The following GRM7 variants were observed in gnomAD, a reference collection of about 807,000 sequenced individuals.
GRM7 encodes metabotropic glutamate receptor 7.
In GRM7, 35 loss-of-function variants were observed where a neutral mutation model predicts 84.5. The observed-to-expected ratio is 0.41, with a 90% CI of 0.32 to 0.55. The LOEUF is 0.55. GRM7 is among the 20% of genes least tolerant of loss of function. GRM7 has a pLI of 0.19. For missense variants in GRM7, 1,003 were observed against 1,194.6 expected (o/e 0.84, Z 2.36); for synonymous variants, 487 against 455.1 (o/e 1.07, Z -0.89).
intron 4 of GRM7, among the ~76,000 whole-genome samples, chr3:7,397,153 CTAAA>C: frequency 6.6e-6 from 1 of 152,142 alleles, no homozygotes; most frequent in East Asian, 1.9e-4. Context: ...GAATGAGTAA[CTAAA>C]TAAACAAAAC....
intron 1 of GRM7, among the ~76,000 whole-genome samples, chr3:6,949,194 C>T (rs9714174): frequency 0.073 from 11,072 of 152,130 alleles, 556 homozygotes; most frequent in Non-Finnish European, 0.11. Context: ...TGGCTGGTAC[C>T]GGTTGTTCCT....
chr3:7,609,207 T>C (rs945473226), intron 8 of GRM7, among the ~76,000 whole-genome samples: 1 of 152,300 alleles, frequency 6.6e-6, no homozygotes, highest in Non-Finnish European at 1.5e-5. Flanking sequence ...GGACCAAAGA[T>C]AGAGCCTCTA....
chr3:7,193,672 C>T (rs1695788984), intron 2 of GRM7, among the ~76,000 whole-genome samples: 1 of 151,856 alleles, frequency 6.6e-6, no homozygotes, highest in Non-Finnish European at 1.5e-5. Flanking sequence ...TTTCCTCTCT[C>T]TCTCTCTCTC....
intron 7 of GRM7, among the ~76,000 whole-genome samples, chr3:7,543,089 A>T (rs1692970227): frequency 6.6e-6 from 1 of 152,192 alleles, no homozygotes; most frequent in Non-Finnish European, 1.5e-5. Flanking sequence ...TGAATGAATG[A>T]ATAAGCCAGA....
intron 2 of GRM7, among the ~76,000 whole-genome samples, chr3:7,213,923 A>G (rs1486616892): frequency 7.2e-5 from 11 of 152,180 alleles, no homozygotes; most frequent in Non-Finnish European, 1.5e-4. Flanking sequence ...ATAGTTTCAT[A>G]AAAAGTATGT....
intron 7 of GRM7, among the ~76,000 whole-genome samples, chr3:7,470,883 A>G (rs1450089): frequency 1.3e-5 from 2 of 151,950 alleles, no homozygotes; most frequent in East Asian, 3.9e-4. Flanking sequence ...TTCTAGAATG[A>G]CCTGGTTATG....
chr3:7,241,670 G>A (rs113709314), intron 2 of GRM7, among the ~76,000 whole-genome samples: 211 of 152,156 alleles, frequency 1.4e-3, no homozygotes, highest in Admixed American at 2.9e-3. Flanking sequence ...GAGACTGACC[G>A]TTGATTTCCA....
At chr3:7,162,542 T>C (rs1224823159) in intron 2 of GRM7, among the ~76,000 whole-genome samples, 7 of 151,786 alleles carry the variant, frequency 4.6e-5, no homozygotes, top group Admixed American at 4.6e-4. Context: ...GCCAAAAACC[T>C]CAATAGAGTA....
chr3:7,601,804 C>G (rs1292188974), intron 8 of GRM7, among the ~76,000 whole-genome samples: 2 of 152,004 alleles, frequency 1.3e-5, no homozygotes, highest in Non-Finnish European at 2.9e-5. Context: ...CCCTAACTCT[C>G]AAGCATGGGG....
At chr3:7,610,001 T>A (rs1696773638) in intron 8 of GRM7, among the ~76,000 whole-genome samples, 1 of 152,204 alleles carries the variant, frequency 6.6e-6, no homozygotes, top group South Asian at 2.1e-4. Flanking sequence ...TGGTTTTACT[T>A]AAACAGACTT....
intron 2 of GRM7, among the ~76,000 whole-genome samples, chr3:7,249,943 G>T (rs1697918008): frequency 6.6e-6 from 1 of 152,140 alleles, no homozygotes; most frequent in Admixed American, 6.5e-5. Flanking sequence ...AGGACGAAAT[G>T]GGAAGGGAAG....
chr3:6,946,274 A>C (rs1372570725), intron 1 of GRM7, among the ~76,000 whole-genome samples: 1 of 152,202 alleles, frequency 6.6e-6, no homozygotes, highest in Non-Finnish European at 1.5e-5. Context: ...AGCTTTCTAC[A>C]TATGGCTAGC....
At chr3:7,293,166 T>G (rs1248835229) in intron 2 of GRM7, among the ~76,000 whole-genome samples, 1 of 152,224 alleles carries the variant, frequency 6.6e-6, no homozygotes, top group Non-Finnish European at 1.5e-5. Context: ...GGATTGAGTT[T>G]CAGGCTTTAA....
rs1700633845 is a variant in GRM7, at chr3:7,522,493, C to A, written c.1516-55929C>A. ...AGAGCTATGACACCTGCCCTCCTCC[C>A]CACCTCCAGAGGTCAGTTTATGCCT... On this transcript the variant is annotated intron_variant, in intron 7 of 9. Coordinates refer to ENST00000357716, the MANE Select transcript of GRM7 (RefSeq NM_000844.4). Among the ~76,000 whole-genome samples, 4 of 152,138 alleles carry A rather than the reference C, an allele frequency of 2.6e-5. No homozygotes were observed. The South Asian group carries it at 6.2e-4, about 24-fold the overall frequency.
chr3:7,010,718 C>G (rs938828632), intron 1 of GRM7, among the ~76,000 whole-genome samples: 2 of 152,020 alleles, frequency 1.3e-5, no homozygotes, highest in Non-Finnish European at 2.9e-5. Context: ...TCAGAGGAGG[C>G]CGATGAGGAT....
At chr3:7,409,576 TTG>T (rs1171642144) in intron 4 of GRM7, among the ~76,000 whole-genome samples, 1 of 10,210 alleles carries the variant, frequency 9.8e-5, no homozygotes, top group East Asian at 1.1e-3. Context: ...TGTTTTGTGT[TTG>T]TTTTGTTTTG....
chr3:7,032,332 G>C (rs1274832610), intron 1 of GRM7, among the ~76,000 whole-genome samples: 1 of 152,134 alleles, frequency 6.6e-6, no homozygotes, highest in African/African-American at 2.4e-5. Flanking sequence ...GAGTTATTTG[G>C]TTAGATGTGA....
chr3:6,883,796 G>C (rs1032551776), intron 1 of GRM7, among the ~76,000 whole-genome samples: 3 of 152,288 alleles, frequency 2.0e-5, no homozygotes, highest in Admixed American at 1.3e-4. Flanking sequence ...AAACCGTGAG[G>C]ATCCTGCTTA....
chr3:7,565,915 T>C (rs1694234141), intron 7 of GRM7, among the ~76,000 whole-genome samples: 1 of 152,174 alleles, frequency 6.6e-6, no homozygotes, highest in African/African-American at 2.4e-5. Flanking sequence ...ACTGCACATA[T>C]AGCTTTTTGG....
Sources: allele counts gnomAD v4.1 joint callset (sites outside exome capture counted in the v4.1 genomes callset), GRCh38; gene constraint gnomAD v4.1.1; transcripts MANE v1.5; gene names NCBI Gene and HGNC (gene_info 2026-07-23, HGNC 2026-07-21).